The following RADX variants were observed in gnomAD, a reference collection of about 807,000 sequenced individuals.
The protein encoded by RADX is RPA-related protein RADX.
RADX carries 36 observed loss-of-function variants against 61.6 expected under a neutral mutation model. The ratio of observed to expected loss-of-function variants is 0.58; its 90% CI spans 0.45 to 0.77. RADX has a LOEUF of 0.77. Ranked by LOEUF, RADX falls within the 30% of genes least tolerant of loss-of-function variation. The pLI, the probability that RADX is intolerant of heterozygous loss-of-function variation, is 0.00. For synonymous variants in RADX, 272 were observed against 237.9 expected (o/e 1.14, Z -1.32); for missense variants, 497 against 651.1 (o/e 0.76, Z 2.58).
chrX:106,661,872 C>A, intron 11 of RADX, 143 bp from the exon 12 acceptor site: 1 of 428,086 alleles, frequency 2.3e-6, no homozygotes, highest in Non-Finnish European at 3.8e-6. Flanking sequence ...TTTGTATATT[C>A]ATTTTATATT....
rs1342566837 is a variant in RADX, at chrX:106,669,213, C to A, written c.2320C>A (p.Pro774Thr). 1 of 1,201,193 alleles carries A rather than the reference C, an allele frequency of 8.3e-7. No homozygotes were observed. Among genetic ancestry groups the A allele is most frequent in the East Asian group, 3.0e-5 (1 of 33,797 alleles). Reference protein sequence around the residue: ...IDVAFLPMYCPEDIRTSQIDT... With the variant: ...IDVAFLPMYCTEDIRTSQIDT... Reference sequence around the variant, plus strand: ...TGTTGCTTTCCTACCCATGTATTGTCCAGAAGATATTCGAACATCTCAAAT... The same window carrying A: ...TGTTGCTTTCCTACCCATGTATTGTACAGAAGATATTCGAACATCTCAAAT... The change falls in exon 13 of 14, where the codon CCA becomes ACA. Residue 774 changes from proline (P) to threonine (T), a missense_variant. This residue lies in a region of RADX where 267 missense variants were observed against 306.9 expected (regional missense o/e 0.87). Transcript: ENST00000372548.
chrX:106,636,483 G>A, intron 6 of RADX, 60 bp from the exon 7 acceptor site: 1 of 659,740 alleles, frequency 1.5e-6, no homozygotes, highest in Non-Finnish European at 2.4e-6. Context: ...GTTAGATCCT[G>A]ATCTTGTTAT....
intron 11 of RADX, among the ~76,000 whole-genome samples, chrX:106,659,292 A>C (rs1057451412): frequency 3.1e-4 from 35 of 111,485 alleles, no homozygotes; most frequent in Non-Finnish European, 6.2e-4. Context: ...TACCACTCTT[A>C]TCCACGTAAT....
chrX:106,678,228 C>T lies in RADX; in HGVS notation c.2538C>T (p.His846=), dbSNP rs766677315. The T allele has an allele frequency of 3.4e-6, 4 of 1,169,190 alleles. No individual in the cohort carries two copies. The African/African-American group carries it at 7.1e-5, about 21-fold the overall frequency. ...LGNNKVEVYL[H]KIYSPENTS ...ATAATAAAGTGGAAGTCTATTTGCA[C>T]AAGATTTATAGTCCAGAGAATACTT... The change falls in exon 14 of 14, where the codon CAC becomes CAT. Residue 846 remains histidine, a synonymous_variant. Coordinates refer to ENST00000372548, the MANE Select transcript of RADX (RefSeq NM_018015.6).
chrX:106,655,665 A>G (rs369486621), intron 11 of RADX, among the ~76,000 whole-genome samples: 4 of 111,041 alleles, frequency 3.6e-5, no homozygotes, highest in South Asian at 3.8e-4. Context: ...TAAAAAGGAC[A>G]TGAACTCATC....
At chrX:106,664,207 A>G (rs1928171177) in intron 12 of RADX, among the ~76,000 whole-genome samples, 1 of 98,977 alleles carries the variant, frequency 1.0e-5, no homozygotes, top group African/African-American at 5.1e-5. Context: ...TCTGGCAGGA[A>G]GGGAGAAGGG....
intron 6 of RADX, among the ~76,000 whole-genome samples, chrX:106,634,844 A>G (rs1164496610): frequency 8.9e-6 from 1 of 112,350 alleles, no homozygotes; most frequent in Non-Finnish European, 1.9e-5. Flanking sequence ...CACTTTAAAC[A>G]ACAAGCTAAC....
chrX:106,644,194 A>G (rs1162102329), intron 10 of RADX, among the ~76,000 whole-genome samples: 1 of 111,436 alleles, frequency 9.0e-6, no homozygotes, highest in Non-Finnish European at 1.9e-5. Context: ...AGTTTTTCCA[A>G]ATATAAAATC....
chrX:106,658,941 C>G (rs1164098784), intron 11 of RADX, among the ~76,000 whole-genome samples: 1 of 94,747 alleles, frequency 1.1e-5, no homozygotes, highest in South Asian at 5.8e-4. Context: ...TTCCCTCCCC[C>G]ATGCCTCCAT....
At chrX:106,622,944 G>A (rs983341708) in intron 2 of RADX, 151 bp downstream of exon 2, 9 of 347,772 alleles carry the variant, frequency 2.6e-5, no homozygotes, top group African/African-American at 2.2e-4. Flanking sequence ...ATATTATAAA[G>A]TATTTTTCTG....
intron 10 of RADX, among the ~76,000 whole-genome samples, chrX:106,646,073 CCTT>C (rs1927651971): frequency 9.1e-6 from 1 of 110,365 alleles, no homozygotes; most frequent in Non-Finnish European, 1.9e-5. Flanking sequence ...GATAGCTACT[CCTT>C]ATTATTTTTG....
chrX:106,643,343 A>G (rs1927570655), intron 10 of RADX, among the ~76,000 whole-genome samples: 1 of 110,554 alleles, frequency 9.0e-6, no homozygotes, highest in Non-Finnish European at 1.9e-5. Context: ...ATGTCAATCT[A>G]TTTGTCCATT....
chrX:106,613,241 A>T (rs1179090335), intron 1 of RADX, among the ~76,000 whole-genome samples: 3 of 112,040 alleles, frequency 2.7e-5, no homozygotes, highest in Non-Finnish European at 5.6e-5. Context: ...AACGCCGTGT[A>T]ACAGTTATGT....
chrX:106,617,423 A>G (rs1340699543), intron 1 of RADX, among the ~76,000 whole-genome samples: 1 of 111,767 alleles, frequency 8.9e-6, no homozygotes, highest in African/African-American at 3.3e-5. Flanking sequence ...TAATTCACAT[A>G]TTCCAGATCC....
intron 1 of RADX, among the ~76,000 whole-genome samples, chrX:106,613,289 G>A (rs755557047): frequency 4.5e-5 from 5 of 111,550 alleles, no homozygotes; most frequent in Non-Finnish European, 7.5e-5. Flanking sequence ...TTATGGGAAG[G>A]CTTGACATTC....
chrX:106,654,611 T>C (rs775104122), intron 11 of RADX, among the ~76,000 whole-genome samples: 13 of 111,343 alleles, frequency 1.2e-4, no homozygotes, highest in Non-Finnish European at 2.1e-4. Context: ...TAACTCAAGA[T>C]GGATTAGACT....
At chrX:106,674,400 A>G (rs1928451082) in intron 13 of RADX, among the ~76,000 whole-genome samples, 1 of 111,640 alleles carries the variant, frequency 9.0e-6, no homozygotes, top group African/African-American at 3.3e-5. Flanking sequence ...TTACATTCCC[A>G]CCAGCAATGC....
intron 12 of RADX, among the ~76,000 whole-genome samples, chrX:106,667,841 G>T (rs772068863): frequency 1.8e-5 from 2 of 111,396 alleles, no homozygotes; most frequent in African/African-American, 6.5e-5. Context: ...ACGGTCAATG[G>T]TAAATTTAAT....
rs1928310874 is a variant in RADX, at chrX:106,669,344, A to G, written c.2437+14A>G. The G allele has an allele frequency of 3.6e-6, 4 of 1,118,104 alleles. No individual in the cohort carries two copies. The highest frequency in any genetic ancestry group is 2.0e-5 in the African/African-American group (1 of 50,801). 92.1% of individuals were successfully genotyped at this position (1,118,104 alleles called of 1,213,427 possible). ...GAGCGGTTGCAGGTAAAACAATCTCAGTGTTCTTTTCACTCAGAAAAAAAA... is the reference window on the plus strand; with the variant it reads ...GAGCGGTTGCAGGTAAAACAATCTCGGTGTTCTTTTCACTCAGAAAAAAAA... On this transcript the variant is annotated intron_variant, in intron 13 of 13. Transcript: ENST00000372548.
Sources: allele counts gnomAD v4.1 joint callset (sites outside exome capture counted in the v4.1 genomes callset), GRCh38; gene constraint gnomAD v4.1.1; regional missense constraint gnomAD v4.1.1; transcripts MANE v1.5; gene names NCBI Gene and HGNC (gene_info 2026-07-23, HGNC 2026-07-21).